The following XYLB variants were observed in gnomAD, a reference collection of about 807,000 sequenced individuals.
XYLB encodes xylulose kinase.
A neutral mutation model predicts 78.7 loss-of-function variants in XYLB; 62 were observed. The ratio of observed to expected loss-of-function variants is 0.79; its 90% CI spans 0.64 to 0.97. The LOEUF (loss-of-function observed/expected upper bound fraction) is 0.97, where lower values mean the gene tolerates loss of function less well. XYLB is among the 50% of genes least tolerant of loss of function. XYLB has a pLI of 0.00. For synonymous variants in XYLB, 245 were observed against 247.4 expected (o/e 0.99, Z 0.09); for missense variants, 687 against 676.8 (o/e 1.02, Z -0.17).
chr3:38,442,248 G>T, the XYLB span, among the ~76,000 whole-genome samples: 1 of 152,196 alleles, frequency 6.6e-6, no homozygotes, highest in East Asian at 1.9e-4. Context: ...CGATTTAAAT[G>T]CTTTGTACCC....
intron 15 of XYLB, among the ~76,000 whole-genome samples, chr3:38,394,865 C>T (rs781021423): frequency 1.6e-4 from 25 of 152,208 alleles, no homozygotes; most frequent in Non-Finnish European, 2.8e-4. Flanking sequence ...AGGCCTCAGT[C>T]TCCTGCCATG....
At chr3:38,365,479 G>C in intron 5 of XYLB, 129 bp from the exon 6 acceptor site, 1 of 1,492,736 alleles carries the variant, frequency 6.7e-7, no homozygotes. Context: ...TGGCCCATGT[G>C]TCTCCAACCA....
At chr3:38,396,931 A>T (rs942174946) in intron 16 of XYLB, 141 bp from the exon 17 acceptor site, 2 of 802,936 alleles carry the variant, frequency 2.5e-6, no homozygotes, top group Non-Finnish European at 4.1e-6. Flanking sequence ...ATGACCAAGC[A>T]TACTCCTCTT....
chr3:38,437,005 A>AAAG, the XYLB span, among the ~76,000 whole-genome samples: 2 of 134,806 alleles, frequency 1.5e-5, no homozygotes, highest in East Asian at 4.2e-4. Context: ...CTCCTTCTAA[A>AAAG]AATAATAATA....
chr3:38,387,421 A>G (rs1032765186), intron 15 of XYLB, among the ~76,000 whole-genome samples: 1 of 151,540 alleles, frequency 6.6e-6, no homozygotes, highest in Non-Finnish European at 1.5e-5. Flanking sequence ...CCCAGGCTGG[A>G]GTGCAGTGGC....
chr3:38,372,476 C>G, intron 9 of XYLB, 179 bp from the exon 10 acceptor site: 1 of 985,362 alleles, frequency 1.0e-6, no homozygotes, highest in Non-Finnish European at 1.2e-6. Context: ...GATTTGTGAA[C>G]AGGAGGGACA....
chr3:38,385,277 C>A (rs1707333432), intron 15 of XYLB, among the ~76,000 whole-genome samples: 1 of 152,082 alleles, frequency 6.6e-6, no homozygotes. Flanking sequence ...GGGATTGTAA[C>A]CTCCACTTTC....
chr3:38,445,245 C>T, the XYLB span, among the ~76,000 whole-genome samples: 1 of 152,066 alleles, frequency 6.6e-6, no homozygotes, highest in Non-Finnish European at 1.5e-5. Context: ...TCTGAAGCTC[C>T]CCATATAGCC....
chr3:38,388,532 TAAA>T (rs536579073), intron 15 of XYLB, among the ~76,000 whole-genome samples: 1 of 152,032 alleles, frequency 6.6e-6, no homozygotes, highest in Non-Finnish European at 1.5e-5. Context: ...ACAAAATAAG[TAAA>T]AAAAAGTCTA....
downstream of XYLB, among the ~76,000 whole-genome samples, chr3:38,424,531 C>A (rs1006918482): frequency 1.3e-5 from 2 of 152,106 alleles, no homozygotes; most frequent in Non-Finnish European, 2.9e-5. Context: ...TAAATTTAAA[C>A]GAATTGAAGG....
At chr3:38,438,791 CT>C in the XYLB span, among the ~76,000 whole-genome samples, 17 of 152,330 alleles carry the variant, frequency 1.1e-4, no homozygotes, top group Admixed American at 7.2e-4. Context: ...GTCCCTGCCC[CT>C]GTCCTGCTGA....
chr3:38,379,133 A>G lies in XYLB; in HGVS notation c.1195-113A>G, dbSNP rs552804647. The G allele has an allele frequency of 2.2e-4, 225 of 1,022,626 alleles. 1 individual carries two copies. In the African/African-American group the frequency reaches 3.2e-3, roughly 15 times the overall value. The allele number at this position is 1,022,626 out of a possible 1,614,324, so 63.3% of individuals were successfully genotyped here. On this transcript the variant is annotated intron_variant, in intron 14 of 18. Transcript: ENST00000207870. ...AAGATAGTGGTTAAAGAGCCCAGCT[A>G]TGAGTTTCAAATCTGGGCTGTTGTT... is the stretch of plus-strand genomic sequence containing the variant.
At chr3:38,428,219 T>C in the XYLB span, among the ~76,000 whole-genome samples, 1 of 152,220 alleles carries the variant, frequency 6.6e-6, no homozygotes, top group South Asian at 2.1e-4. Flanking sequence ...TAAAACTTAC[T>C]GACATTTATT....
chr3:38,426,959 G>C, the XYLB span, among the ~76,000 whole-genome samples: 1 of 152,166 alleles, frequency 6.6e-6, no homozygotes, highest in African/African-American at 2.4e-5. Flanking sequence ...AGCAGGAAAG[G>C]CCTGTGGCTT....
At position 38,413,826 on chromosome 3, in the gene XYLB, C is replaced by G. The variant is rs1350253293; in HGVS notation, c.*813C>G. The G allele has an allele frequency of 1.3e-5, 2 of 152,218 alleles. No individual in the cohort carries two copies. The highest frequency in any genetic ancestry group is 2.9e-5 in the Non-Finnish European group (2 of 68,042). 9.4% of individuals were successfully genotyped at this position (152,218 alleles called of 1,614,324 possible). A position where few individuals can be genotyped will look rare whatever the true frequency, so the allele number is the denominator to read the frequency against. ...AGAACTTCTCTCCCTTTTTCTCCCT[C>G]ATTCCCTCTCTCTTCTTGCAGTCCA... On this transcript the variant is annotated 3_prime_UTR_variant, in exon 19 of 19. Transcript: ENST00000207870.
At chr3:38,382,757 A>G (rs1287604288) in intron 15 of XYLB, among the ~76,000 whole-genome samples, 4 of 152,228 alleles carry the variant, frequency 2.6e-5, no homozygotes, top group East Asian at 1.9e-4. Context: ...AGTTAGGGCA[A>G]AAGGCCCCCA....
chr3:38,447,707 TA>T, the XYLB span, among the ~76,000 whole-genome samples: 5 of 152,024 alleles, frequency 3.3e-5, no homozygotes, highest in African/African-American at 9.7e-5. Context: ...CTCTAAAAAC[TA>T]AAAACAGAAT....
chr3:38,390,465 C>T (rs998992160), intron 15 of XYLB, among the ~76,000 whole-genome samples: 1 of 152,092 alleles, frequency 6.6e-6, no homozygotes, highest in South Asian at 2.1e-4. Flanking sequence ...CTTCCTGCCT[C>T]GGCCTCCCAA....
chr3:38,447,818 T>C, the XYLB span, among the ~76,000 whole-genome samples: 370 of 152,328 alleles, frequency 2.4e-3, 1 homozygote, highest in African/African-American at 8.6e-3. Context: ...TATTGCACTA[T>C]TCTTAAAAGA....
Sources: allele counts gnomAD v4.1 joint callset (sites outside exome capture counted in the v4.1 genomes callset), GRCh38; gene constraint gnomAD v4.1.1; transcripts MANE v1.5; gene names NCBI Gene and HGNC (gene_info 2026-07-23, HGNC 2026-07-21).